CYTH1: variants seen among roughly 807,000 people sequenced by gnomAD.
CYTH1 encodes cytohesin-1.
Under a neutral mutation model 61.8 loss-of-function variants are expected in CYTH1, and 18 were observed. The ratio of observed to expected loss-of-function variants is 0.29; its 90% CI spans 0.20 to 0.43. CYTH1 has a LOEUF of 0.43. Ranked by LOEUF, CYTH1 falls within the 20% of genes least tolerant of loss-of-function variation. The probability of loss-of-function intolerance (pLI) is 1.00; values close to 1 mark genes in which losing one functional copy is unlikely to be tolerated. For synonymous variants in CYTH1, 174 were observed against 184.3 expected (o/e 0.94, Z 0.45); for missense variants, 336 against 510.5 (o/e 0.66, Z 3.29).
chr17:78,701,272 T>C (rs758193549), intron 6 of CYTH1, among the ~76,000 whole-genome samples: 7 of 152,242 alleles, frequency 4.6e-5, no homozygotes, highest in Non-Finnish European at 1.0e-4. Flanking sequence ...TGACAGTTTC[T>C]TAAAAGGCAT....
intron 1 of CYTH1, among the ~76,000 whole-genome samples, chr17:78,718,176 G>A (rs953052482): frequency 6.9e-6 from 1 of 144,904 alleles, no homozygotes; most frequent in African/African-American, 2.7e-5. Context: ...GCTAATCACG[G>A]CCACACCCCT....
intron 1 of CYTH1, among the ~76,000 whole-genome samples, chr17:78,747,426 G>A (rs909800019): frequency 2.6e-5 from 4 of 152,136 alleles, no homozygotes; most frequent in African/African-American, 9.7e-5. Context: ...CTGCGGGGAG[G>A]AGGCACTGTC....
chr17:78,677,091 G>T, intron 13 of CYTH1: 1 of 455,960 alleles, frequency 2.2e-6, no homozygotes, highest in South Asian at 1.5e-5. Flanking sequence ...AAATGCTTCC[G>T]CAGCTCCCCG....
intron 11 of CYTH1, chr17:78,692,085 A>T (rs138449447): frequency 6.2e-4 from 158 of 254,450 alleles, no homozygotes; most frequent in African/African-American, 3.4e-3. Context: ...AGGGCCACAT[A>T]CTCTTTCTCG....
At chr17:78,780,751 A>C (rs1011707399) in intron 1 of CYTH1, among the ~76,000 whole-genome samples, 1 of 152,182 alleles carries the variant, frequency 6.6e-6, no homozygotes, top group African/African-American at 2.4e-5. Context: ...TCATGCCTGT[A>C]ATCCCAGCAC....
chr17:78,723,475 G>T (rs891674631), intron 1 of CYTH1: 1 of 152,686 alleles, frequency 6.5e-6, no homozygotes, highest in East Asian at 1.9e-4. Flanking sequence ...GGCCCTGCAG[G>T]TGGAAACTCG....
At chr17:78,729,351 A>C (rs2093281725) in intron 1 of CYTH1, among the ~76,000 whole-genome samples, 1 of 152,264 alleles carries the variant, frequency 6.6e-6, no homozygotes, top group African/African-American at 2.4e-5. Flanking sequence ...AAGGATATAA[A>C]AGACAGATTA....
chr17:78,750,195 G>A (rs1474775387), intron 1 of CYTH1, among the ~76,000 whole-genome samples: 7 of 152,210 alleles, frequency 4.6e-5, no homozygotes, highest in Non-Finnish European at 8.8e-5. Flanking sequence ...ACTTCAAGAT[G>A]CGTTTTGGAA....
At chr17:78,770,402 G>T (rs1021318763) in intron 1 of CYTH1, among the ~76,000 whole-genome samples, 3 of 151,176 alleles carry the variant, frequency 2.0e-5, no homozygotes, top group South Asian at 2.1e-4. Context: ...CAAAATAGGC[G>T]GGTTTTTTTT....
chr17:78,760,461 ATATATATATG>A (rs1308901593), intron 1 of CYTH1, among the ~76,000 whole-genome samples: 2 of 51,516 alleles, frequency 3.9e-5, no homozygotes, highest in African/African-American at 1.7e-4. Context: ...ATATACATAC[ATATATATATG>A]TATATATATG....
At chr17:78,752,391 G>A (rs972185862) in intron 1 of CYTH1, among the ~76,000 whole-genome samples, 1 of 152,016 alleles carries the variant, frequency 6.6e-6, no homozygotes, top group Non-Finnish European at 1.5e-5. Context: ...GAGTACCAGG[G>A]CTACAGGGAT....
chr17:78,701,936 T>C (rs964555044), intron 5 of CYTH1, among the ~76,000 whole-genome samples, 185 bp from the exon 6 acceptor site: 16 of 152,176 alleles, frequency 1.1e-4, no homozygotes, highest in Non-Finnish European at 2.9e-5. Flanking sequence ...ACAAGCAAGA[T>C]GTCTCCATGA....
At chr17:78,696,331 T>C (rs780744882) in intron 9 of CYTH1, among the ~76,000 whole-genome samples, 32 of 152,214 alleles carry the variant, frequency 2.1e-4, no homozygotes, top group African/African-American at 6.0e-4. Context: ...TACTAGTATA[T>C]CCAGAATCAG....
intron 11 of CYTH1, among the ~76,000 whole-genome samples, chr17:78,689,952 T>C (rs1025307839): frequency 6.6e-6 from 1 of 151,926 alleles, no homozygotes; most frequent in African/African-American, 2.4e-5. Flanking sequence ...CTGCTGCCCC[T>C]GCCACCGCTG....
At chr17:78,692,919 G>A (rs2092902991) in intron 10 of CYTH1, among the ~76,000 whole-genome samples, 1 of 152,156 alleles carries the variant, frequency 6.6e-6, no homozygotes, top group Non-Finnish European at 1.5e-5. Flanking sequence ...GGCACATAAG[G>A]AGTGTTTCAC....
At chr17:78,686,739 G>A (rs530521360) in intron 11 of CYTH1, among the ~76,000 whole-genome samples, 4 of 152,124 alleles carry the variant, frequency 2.6e-5, no homozygotes, top group Non-Finnish European at 5.9e-5. Context: ...AAGATGGTTC[G>A]GGATGATTCG....
At chr17:78,706,389 G>T (rs1046974398) in intron 3 of CYTH1, among the ~76,000 whole-genome samples, 1 of 146,458 alleles carries the variant, frequency 6.8e-6, no homozygotes, top group Non-Finnish European at 1.5e-5. Context: ...AGATGCTCAC[G>T]CATGGAAGCA....
chr17:78,767,740 T>C (rs1428136669), intron 1 of CYTH1, among the ~76,000 whole-genome samples: 1 of 151,540 alleles, frequency 6.6e-6, no homozygotes, highest in Non-Finnish European at 1.5e-5. Flanking sequence ...ATTAGAGAGG[T>C]CTAGAGGTAA....
At chr17:78,694,663 G>A (rs954370955) in intron 10 of CYTH1, among the ~76,000 whole-genome samples, 49 of 152,182 alleles carry the variant, frequency 3.2e-4, no homozygotes, top group Non-Finnish European at 4.0e-4. Flanking sequence ...CCTCCCATGC[G>A]CTCCATCACA....
Sources: allele counts gnomAD v4.1 joint callset (sites outside exome capture counted in the v4.1 genomes callset), GRCh38; gene constraint gnomAD v4.1.1; transcripts MANE v1.5; gene names NCBI Gene and HGNC (gene_info 2026-07-23, HGNC 2026-07-21).